SV2C: variants seen among roughly 807,000 people sequenced by gnomAD.
SV2C encodes the protein solute carrier family 22 member B3.
Under a neutral mutation model 79.7 loss-of-function variants are expected in SV2C, and 49 were observed. The ratio of observed to expected loss-of-function variants is 0.61; its 90% CI spans 0.49 to 0.78. SV2C has a LOEUF of 0.78. SV2C is among the 30% of genes least tolerant of loss of function. The pLI, the probability that SV2C is intolerant of heterozygous loss-of-function variation, is 0.00. For missense variants in SV2C, 833 were observed against 912.9 expected (o/e 0.91, Z 1.13); for synonymous variants, 334 against 333.2 (o/e 1.00, Z -0.03).
intron 1 of SV2C, among the ~76,000 whole-genome samples, chr5:76,084,439 G>A (rs1013159570): frequency 7.9e-5 from 12 of 151,584 alleles, no homozygotes; most frequent in Non-Finnish European, 1.8e-4. Flanking sequence ...GAGCGTCGCG[G>A]GGAGCGCCCC....
At chr5:76,042,583 C>T in the SV2C span, among the ~76,000 whole-genome samples, 3 of 152,226 alleles carry the variant, frequency 2.0e-5, no homozygotes, top group Non-Finnish European at 2.9e-5. Flanking sequence ...CTGTCCTCAT[C>T]TCTTGTCTGT....
chr5:75,958,894 T>C, the SV2C span, among the ~76,000 whole-genome samples: 2 of 151,928 alleles, frequency 1.3e-5, no homozygotes, highest in Non-Finnish European at 2.9e-5. Context: ...GAAGTATTCA[T>C]TGGGATAAGA....
At chr5:76,291,556 G>GC (rs1244301397) in intron 7 of SV2C, among the ~76,000 whole-genome samples, 1 of 152,188 alleles carries the variant, frequency 6.6e-6, no homozygotes, top group Non-Finnish European at 1.5e-5. Flanking sequence ...CTTGGCAGTG[G>GC]CAGGGTGCCT....
At chr5:75,912,083 G>C in the SV2C span, among the ~76,000 whole-genome samples, 1 of 152,130 alleles carries the variant, frequency 6.6e-6, no homozygotes, top group Non-Finnish European at 1.5e-5. Flanking sequence ...GAGAACATTA[G>C]ACTCAAGGAA....
chr5:75,952,247 T>TTTCC, the SV2C span, among the ~76,000 whole-genome samples: 33,918 of 143,848 alleles, frequency 0.24, 4,554 homozygotes, highest in East Asian at 0.52. Flanking sequence ...TCTCCTGCAT[T>TTTCC]TTCCTTCCTT....
chr5:75,854,923 C>A, the SV2C span, among the ~76,000 whole-genome samples: 1 of 152,084 alleles, frequency 6.6e-6, no homozygotes, highest in Non-Finnish European at 1.5e-5. Flanking sequence ...TCTTCCCCAG[C>A]CCCCAGCTGG....
rs564092897 is a variant in SV2C, at chr5:76,105,051, T to C, written c.-102+21539T>C. Among the ~76,000 whole-genome samples, 13 of 152,206 alleles carry C rather than the reference T, an allele frequency of 8.5e-5. No individual in the cohort carries two copies. The South Asian group carries it at 2.7e-3, about 32-fold the overall frequency. The stretch of plus-strand genomic sequence containing the variant: ...CATTTGGAAATAGAATCTTTGCAGA[T>C]GAAAGTAGTTAAGATGAGGTCATAC... On this transcript the variant is annotated intron_variant, in intron 1 of 12. Transcript: ENST00000502798.
chr5:76,161,810 G>T (rs1305098868), intron 2 of SV2C, among the ~76,000 whole-genome samples: 1 of 152,154 alleles, frequency 6.6e-6, no homozygotes, highest in Non-Finnish European at 1.5e-5. Flanking sequence ...GACATGTAAG[G>T]TTGCTTGGAA....
intron 4 of SV2C, among the ~76,000 whole-genome samples, chr5:76,220,163 A>G (rs1367363510): frequency 6.6e-6 from 1 of 152,270 alleles, no homozygotes; most frequent in African/African-American, 2.4e-5. Flanking sequence ...CGAAATAAAT[A>G]GGATTATAAA....
intron 4 of SV2C, among the ~76,000 whole-genome samples, chr5:76,264,860 A>G (rs570655159): frequency 1.4e-4 from 21 of 152,250 alleles, no homozygotes; most frequent in African/African-American, 4.8e-4. Context: ...CTCCTGTATG[A>G]GGTGTCTGTC....
chr5:76,249,647 A>G (rs544888019), intron 4 of SV2C, among the ~76,000 whole-genome samples: 12 of 152,220 alleles, frequency 7.9e-5, no homozygotes, highest in Non-Finnish European at 1.6e-4. Flanking sequence ...TACTGAAAAT[A>G]TATTCATCTT....
chr5:76,288,083 CA>C (rs36124813), intron 6 of SV2C, among the ~76,000 whole-genome samples: 12,717 of 82,526 alleles, frequency 0.15, 475 homozygotes, highest in Admixed American at 0.22. Flanking sequence ...GACTCCATCT[CA>C]AAAAAAAAAA....
intron 8 of SV2C, among the ~76,000 whole-genome samples, chr5:76,292,850 C>T (rs1258757383): frequency 6.6e-6 from 1 of 152,152 alleles, no homozygotes; most frequent in Non-Finnish European, 1.5e-5. Context: ...GTGTGTACAA[C>T]TCTATTGTTG....
intron 1 of SV2C, among the ~76,000 whole-genome samples, chr5:76,084,823 A>G (rs532268138): frequency 7.4e-4 from 108 of 145,774 alleles, no homozygotes; most frequent in African/African-American, 2.1e-3. Flanking sequence ...GGCGGGGCAG[A>G]GGGGGGCGGG....
At chr5:76,115,368 T>A (rs1185266382) in intron 1 of SV2C, among the ~76,000 whole-genome samples, 1 of 152,202 alleles carries the variant, frequency 6.6e-6, no homozygotes, top group Non-Finnish European at 1.5e-5. Flanking sequence ...GGGAAACTAG[T>A]CTTATTTTGT....
At chr5:75,917,994 G>A in the SV2C span, among the ~76,000 whole-genome samples, 2 of 152,144 alleles carry the variant, frequency 1.3e-5, no homozygotes, top group African/African-American at 4.8e-5. Context: ...TTCTGAAGTA[G>A]AAGTTATTGC....
At chr5:76,349,025 T>C (rs1446602924) in intron 12 of SV2C, among the ~76,000 whole-genome samples, 1 of 151,702 alleles carries the variant, frequency 6.6e-6, no homozygotes, top group Non-Finnish European at 1.5e-5. Context: ...ACATGGATGC[T>C]AGAGCCAAAT....
rs17673704 is a variant in SV2C, at chr5:76,097,863, C to T, written c.-102+14351C>T. 1.7e-3 allele frequency among the ~76,000 whole-genome samples: 262 copies of T among 152,258 alleles called. 7 individuals are homozygous for T. In the East Asian group the frequency reaches 0.049, roughly 28 times the overall value. On this transcript the variant is annotated intron_variant, in intron 1 of 12. Coordinates refer to ENST00000502798, the MANE Select transcript of SV2C (RefSeq NM_014979.4). ...TGAAGGCAGTCACATTATTCTCTCT[C>T]TGGCAGTAGTTGAGAGAGGGTAGTG...
downstream of SV2C, among the ~76,000 whole-genome samples, chr5:76,334,459 T>A (rs1191228815): frequency 6.6e-6 from 1 of 152,204 alleles, no homozygotes; most frequent in Non-Finnish European, 1.5e-5. Flanking sequence ...CCTAATAAAC[T>A]GTCTTTACTA....
Sources: allele counts gnomAD v4.1 joint callset (sites outside exome capture counted in the v4.1 genomes callset), GRCh38; gene constraint gnomAD v4.1.1; transcripts MANE v1.5; gene names NCBI Gene and HGNC (gene_info 2026-07-23, HGNC 2026-07-21).